HLCS: variants seen among roughly 807,000 people sequenced by gnomAD.
HLCS encodes biotin--protein ligase.
A neutral mutation model predicts 75.0 loss-of-function variants in HLCS; 53 were observed. The ratio of observed to expected loss-of-function variants is 0.71; its 90% confidence interval spans 0.57 to 0.89. The LOEUF is 0.89. Ranked by LOEUF, HLCS falls within the 40% of genes least tolerant of loss-of-function variation. The pLI, the probability that HLCS is intolerant of heterozygous loss-of-function variation, is 0.00. For missense variants in HLCS, 966 were observed against 1,074.0 expected, an observed-to-expected ratio of 0.90 and a Z score of 1.41; for synonymous variants, 431 against 428.6, an observed-to-expected ratio of 1.01 and a Z score of -0.07.
intron 7 of HLCS, among the ~76,000 whole-genome samples, chr21:36,766,505 G>A (rs751347862): frequency 3.9e-5 from 6 of 152,136 alleles, no homozygotes; most frequent in Non-Finnish European, 7.4e-5. Context: ...CATGGTTCAG[G>A]AGAAAGAAGT....
intron 2 of HLCS, among the ~76,000 whole-genome samples, chr21:36,955,637 GTAAGC>G (rs1489743389): frequency 1.3e-5 from 2 of 152,178 alleles, no homozygotes; most frequent in African/African-American, 2.4e-5. Context: ...AAATATGATA[GTAAGC>G]TAAGATTAAT....
In HLCS at chr21:36,918,735, G is replaced by A. The variant is rs116261132; in HGVS notation, c.1620+11516C>T. ...TCTTCTGCATATTATTCCAATTGGC[G>A]ACTTGCTGCTATTTGCAGAATGGCC... On this transcript the variant is annotated intron_variant, in intron 5 of 10. Transcript: ENST00000674895. 1.7e-3 allele frequency among the ~76,000 whole-genome samples: 265 copies of A among 152,294 alleles called. 1 individual carries two copies. The highest frequency in any genetic ancestry group is 6.3e-3 in the African/African-American group (260 of 41,540).
chr21:36,794,590 G>A (rs941059232), intron 6 of HLCS, among the ~76,000 whole-genome samples: 1 of 152,204 alleles, frequency 6.6e-6, no homozygotes, highest in South Asian at 2.1e-4. Context: ...ATTTGGAAGT[G>A]TGCAGGTCAT....
chr21:36,966,424 C>CCCGG lies in HLCS; in HGVS notation c.195+19_195+20insCCGG. 2.2e-6 allele frequency: 1 copy of CCCGG among 461,714 alleles called. No individual in the cohort carries two copies. The highest frequency in any genetic ancestry group is 2.8e-6 in the Non-Finnish European group (1 of 351,288). 28.6% of individuals were successfully genotyped at this position (461,714 alleles called of 1,614,324 possible). A position where few individuals can be genotyped will look rare whatever the true frequency, so the allele number is the denominator to read the frequency against. ...TCCGGCTCGCGGGGCCCGGGTCGCC[C>CCCGG]GCCCGCCCGACCCGCCCACCTGGCT... On this transcript the variant is annotated intron_variant, in intron 1 of 10. Transcript: ENST00000674895.
chr21:36,877,144 G>A (rs1490700303), intron 6 of HLCS, among the ~76,000 whole-genome samples: 2 of 152,246 alleles, frequency 1.3e-5, no homozygotes, highest in East Asian at 3.9e-4. Context: ...TAATTGAAGT[G>A]TGTCTTGAAG....
intron 6 of HLCS, among the ~76,000 whole-genome samples, chr21:36,803,150 G>A (rs1192734704): frequency 6.6e-6 from 1 of 152,216 alleles, no homozygotes; most frequent in Admixed American, 6.5e-5. Flanking sequence ...GGTCCACAAA[G>A]CCCAAGGCGT....
chr21:36,924,140 T>C (rs2066296603), intron 5 of HLCS, among the ~76,000 whole-genome samples: 1 of 152,196 alleles, frequency 6.6e-6, no homozygotes, highest in Admixed American at 6.5e-5. Flanking sequence ...CTTCGCCCTA[T>C]CTATACATTC....
At chr21:36,776,708 C>T (rs765350400) in intron 6 of HLCS, among the ~76,000 whole-genome samples, 6 of 152,118 alleles carry the variant, frequency 3.9e-5, no homozygotes, top group Admixed American at 6.5e-5. Flanking sequence ...CCACCGCACC[C>T]GGCTGATATG....
chr21:36,855,098 A>G (rs1286442018), intron 6 of HLCS, among the ~76,000 whole-genome samples: 1 of 152,002 alleles, frequency 6.6e-6, no homozygotes, highest in Non-Finnish European at 1.5e-5. Flanking sequence ...GTATAGGTGC[A>G]TGTGTCTATT....
chr21:36,849,394 C>T (rs183408967), intron 6 of HLCS, among the ~76,000 whole-genome samples: 17 of 152,314 alleles, frequency 1.1e-4, no homozygotes, highest in East Asian at 9.6e-4. Flanking sequence ...AGCCATTCAA[C>T]GTAATCATAA....
intron 2 of HLCS, 38 bp from the exon 3 acceptor site, chr21:36,939,032 C>A: frequency 6.4e-7 from 1 of 1,562,692 alleles, no homozygotes; most frequent in Non-Finnish European, 8.6e-7. Context: ...TGGGAAAAGA[C>A]AGGTTGAGAT....
At chr21:36,869,097 AATTTATTT>A (rs71198837) in intron 6 of HLCS, among the ~76,000 whole-genome samples, 41,410 of 108,370 alleles carry the variant, frequency 0.38, 5,932 homozygotes, top group Middle Eastern at 0.47. Flanking sequence ...AAAGATGTTT[AATTTATTT>A]ATTTATTTAT....
At chr21:36,940,925 GTT>G (rs913814575) in intron 2 of HLCS, among the ~76,000 whole-genome samples, 2 of 152,166 alleles carry the variant, frequency 1.3e-5, no homozygotes, top group African/African-American at 4.8e-5. Context: ...CTTTTGAAGT[GTT>G]TGGGCTGGGC....
chr21:36,930,390 G>A lies in HLCS; in HGVS notation c.1481C>T (p.Pro494Leu). 1 of 1,614,140 alleles carries A rather than the reference G, an allele frequency of 6.2e-7. No homozygotes were observed. The highest frequency in any genetic ancestry group is 8.5e-7 in the Non-Finnish European group (1 of 1,180,010). Residue 494 changes from proline to leucine, a missense_variant, in exon 5 of 11, where the codon CCA (proline) becomes CTA (leucine). Physicochemically the swap from Pro to Leu is moderately conservative, Grantham distance 98. Coordinates refer to ENST00000674895, the MANE Select transcript of HLCS (RefSeq NM_001352514.2). ...LPPSSNIVQT[P>L]EDFNLLKSSN... ...TGACTTGAGCAAGTTAAAATCTTCT[G>A]GAGTTTGCACTATGTTGGAGCTGGG...
intron 2 of HLCS, among the ~76,000 whole-genome samples, chr21:36,945,210 T>G (rs1276615307): frequency 4.0e-5 from 6 of 151,404 alleles, no homozygotes; most frequent in African/African-American, 2.4e-5. Context: ...TGACTACAGG[T>G]TTTTTTTTGG....
intron 6 of HLCS, among the ~76,000 whole-genome samples, chr21:36,843,811 G>T (rs1030304938): frequency 6.6e-6 from 1 of 152,100 alleles, no homozygotes; most frequent in African/African-American, 2.4e-5. Flanking sequence ...TTCAAGACCA[G>T]CCTGGGCAAC....
chr21:36,942,499 C>T (rs959852374), intron 2 of HLCS, among the ~76,000 whole-genome samples: 2 of 151,470 alleles, frequency 1.3e-5, no homozygotes, highest in Admixed American at 6.6e-5. Flanking sequence ...GATCAAAGAC[C>T]TCAATATAAG....
intron 6 of HLCS, among the ~76,000 whole-genome samples, chr21:36,768,250 G>C (rs1235187782): frequency 2.0e-5 from 3 of 152,192 alleles, no homozygotes; most frequent in Admixed American, 2.0e-4. Context: ...GAGGGGAGCA[G>C]CCAGGACAGG....
At chr21:36,797,640 G>C (rs1026062924) in intron 6 of HLCS, among the ~76,000 whole-genome samples, 33 of 152,238 alleles carry the variant, frequency 2.2e-4, no homozygotes, top group African/African-American at 7.0e-4. Context: ...ACTTATTCTT[G>C]GTGTGGATTT....
Sources: gnomAD v4.1 joint callset for allele counts (sites outside exome capture counted in the v4.1 genomes callset) on GRCh38, gnomAD v4.1.1 for gene constraint, MANE v1.5 for transcripts, NCBI Gene and HGNC (gene_info 2026-07-23, HGNC 2026-07-21) for gene names.